The following SCHIP1 variants were observed in gnomAD, a reference collection of about 807,000 sequenced individuals.
SCHIP1 encodes the protein schwannomin-interacting protein 1.
SCHIP1 carries 8 observed loss-of-function variants against 29.7 expected under a neutral mutation model. The ratio of observed to expected loss-of-function variants is 0.27; its 90% CI spans 0.16 to 0.49. The LOEUF (loss-of-function observed/expected upper bound fraction) is 0.49, where lower values mean the gene tolerates loss of function less well. SCHIP1 is among the 20% of genes least tolerant of loss of function. SCHIP1 has a pLI of 0.99. For missense variants in SCHIP1, 193 were observed against 294.6 expected, an observed-to-expected ratio of 0.66 and a Z score of 2.52; for synonymous variants, 76 against 94.9, an observed-to-expected ratio of 0.80 and a Z score of 1.16.
chr3:159,331,383 G>A, the SCHIP1 span, among the ~76,000 whole-genome samples: 1 of 152,176 alleles, frequency 6.6e-6, no homozygotes, highest in East Asian at 1.9e-4. Flanking sequence ...ACAAAAAGGA[G>A]CAAAAGCCTT....
the SCHIP1 span, among the ~76,000 whole-genome samples, chr3:159,440,992 T>G: frequency 6.6e-6 from 1 of 152,212 alleles, no homozygotes; most frequent in Admixed American, 6.5e-5. Flanking sequence ...TTGTTATCTT[T>G]GTATATAATC....
At chr3:159,498,951 G>A in the SCHIP1 span, among the ~76,000 whole-genome samples, 1 of 152,114 alleles carries the variant, frequency 6.6e-6, no homozygotes, top group Non-Finnish European at 1.5e-5. Context: ...TCAGTCAAGA[G>A]TGGAGTCTTC....
the SCHIP1 span, among the ~76,000 whole-genome samples, chr3:159,802,915 T>A: frequency 6.6e-6 from 1 of 152,222 alleles, no homozygotes; most frequent in Non-Finnish European, 1.5e-5. Flanking sequence ...CCTCAATACA[T>A]GGCTTTCTGC....
exon 5 of SCHIP1, chr3:159,888,833 C>T: frequency 6.2e-7 from 1 of 1,613,886 alleles, no homozygotes; most frequent in Non-Finnish European, 8.5e-7. Flanking sequence ...CCACACATGC[C>T]TCATATAAGT....
At chr3:159,449,607 T>C in the SCHIP1 span, among the ~76,000 whole-genome samples, 13 of 152,270 alleles carry the variant, frequency 8.5e-5, no homozygotes, top group African/African-American at 1.7e-4. Flanking sequence ...TTTTTTCATA[T>C]CATAAAATAA....
chr3:159,696,553 A>G, the SCHIP1 span, among the ~76,000 whole-genome samples: 2 of 152,216 alleles, frequency 1.3e-5, no homozygotes, highest in East Asian at 3.9e-4. Context: ...TTATTTAGTC[A>G]GTTTCATTTA....
chr3:159,633,977 A>G, the SCHIP1 span, among the ~76,000 whole-genome samples: 16 of 152,206 alleles, frequency 1.1e-4, no homozygotes, highest in Non-Finnish European at 2.1e-4. Context: ...GTAATCTTAG[A>G]ACACTAGTCA....
the SCHIP1 span, among the ~76,000 whole-genome samples, chr3:159,682,564 C>G: frequency 6.6e-6 from 1 of 152,140 alleles, no homozygotes; most frequent in East Asian, 1.9e-4. Flanking sequence ...TTTGAAAACT[C>G]TAAATCTAGA....
At chr3:159,621,935 G>A in the SCHIP1 span, among the ~76,000 whole-genome samples, 2 of 152,116 alleles carry the variant, frequency 1.3e-5, no homozygotes, top group African/African-American at 4.8e-5. Flanking sequence ...CAAAGTGCTG[G>A]GATTACAGGC....
At chr3:159,400,828 C>T in the SCHIP1 span, among the ~76,000 whole-genome samples, 1 of 152,162 alleles carries the variant, frequency 6.6e-6, no homozygotes, top group Admixed American at 6.5e-5. Flanking sequence ...GACATAAGCA[C>T]ATAATATCCA....
chr3:159,320,647 G>A, the SCHIP1 span, among the ~76,000 whole-genome samples: 12 of 151,836 alleles, frequency 7.9e-5, no homozygotes, highest in Admixed American at 3.3e-4. Flanking sequence ...TAAAACCTTG[G>A]CTGGTTAAAT....
At chr3:159,309,997 GT>G in the SCHIP1 span, among the ~76,000 whole-genome samples, 1 of 152,152 alleles carries the variant, frequency 6.6e-6, no homozygotes, top group Non-Finnish European at 1.5e-5. Flanking sequence ...ACTTTTCTGA[GT>G]CTTCAACTCA....
At chr3:159,734,787 C>CTT in the SCHIP1 span, among the ~76,000 whole-genome samples, 277 of 110,464 alleles carry the variant, frequency 2.5e-3, no homozygotes, top group Middle Eastern at 6.1e-3. Flanking sequence ...CTTTTCTTGT[C>CTT]TTTTTTTTTT....
At chr3:159,346,205 A>G in the SCHIP1 span, among the ~76,000 whole-genome samples, 1 of 151,374 alleles carries the variant, frequency 6.6e-6, no homozygotes, top group African/African-American at 2.4e-5. Flanking sequence ...AAAAAAGAAA[A>G]AAGAAAAAAA....
intron 1 of SCHIP1, chr3:159,845,433 T>G (rs893826159): frequency 4.0e-5 from 6 of 151,782 alleles, no homozygotes; most frequent in African/African-American, 1.5e-4. Flanking sequence ...CAGGCTGGTG[T>G]GCTGTGGCGC....
chr3:159,856,764 T>TA (rs1357762947), intron 1 of SCHIP1, among the ~76,000 whole-genome samples: 1 of 152,160 alleles, frequency 6.6e-6, no homozygotes, highest in African/African-American at 2.4e-5. Flanking sequence ...GTGAAAAAAT[T>TA]AAAAGGCTGG....
the SCHIP1 span, among the ~76,000 whole-genome samples, chr3:159,522,629 A>G: frequency 6.6e-5 from 10 of 152,180 alleles, 1 homozygote; most frequent in Admixed American, 6.5e-4. Context: ...CCAGCACTTT[A>G]GGAGGCGGAG....
At chr3:159,835,163 C>T (rs1743548376), upstream of SCHIP1, among the ~76,000 whole-genome samples, 1 of 152,168 alleles carries the variant, frequency 6.6e-6, no homozygotes, top group African/African-American at 2.4e-5. Flanking sequence ...CCATCTTTCC[C>T]ACCCCCAATA....
chr3:159,754,590 A>G, the SCHIP1 span, among the ~76,000 whole-genome samples: 1 of 152,188 alleles, frequency 6.6e-6, no homozygotes, highest in Non-Finnish European at 1.5e-5. Context: ...CTTGCTCCTA[A>G]AAGTTTGTGT....
Sources: gnomAD v4.1 joint callset for allele counts (sites outside exome capture counted in the v4.1 genomes callset) on GRCh38, gnomAD v4.1.1 for gene constraint, MANE v1.5 for transcripts, NCBI Gene and HGNC (gene_info 2026-07-23, HGNC 2026-07-21) for gene names.